The following RNF103 variants were observed in gnomAD, a reference collection of about 807,000 sequenced individuals.
RNF103 encodes E3 ubiquitin-protein ligase RNF103.
In RNF103, 23 loss-of-function variants were observed where a neutral mutation model predicts 66.2. The observed-to-expected ratio is 0.35, with a 90% CI of 0.25 to 0.49. The LOEUF is 0.49. Among genes scored for constraint, RNF103 ranks in the 20% least tolerant of loss-of-function variants. The probability of loss-of-function intolerance (pLI) is 0.98; values close to 1 mark genes in which losing one functional copy is unlikely to be tolerated. For missense variants in RNF103, 730 were observed against 814.7 expected (o/e 0.90, Z 1.27); for synonymous variants, 297 against 289.9 (o/e 1.02, Z -0.25).
intron 1 of RNF103, among the ~76,000 whole-genome samples, chr2:86,621,034 TAAAC>T (rs1341692134): frequency 6.6e-6 from 1 of 152,118 alleles, no homozygotes; most frequent in Non-Finnish European, 1.5e-5. Context: ...CTTGTATCAT[TAAAC>T]AAAAAGGAAA....
At chr2:86,611,844 T>C (rs1278882930) in intron 3 of RNF103, among the ~76,000 whole-genome samples, 2 of 152,158 alleles carry the variant, frequency 1.3e-5, no homozygotes, top group African/African-American at 4.8e-5. Flanking sequence ...CTGAGATCTC[T>C]TTGGAAAAGA....
rs1561253 is a variant in RNF103, at chr2:86,605,271, T to G, written c.630A>C (p.Ala210=). The part of the protein sequence containing the change: ...EHIFKWITAH[A]ASRIKTIYNA... The stretch of plus-strand genomic sequence containing the variant: ...TATAAATGGTTTTGATCCGAGAAGC[T>G]GCATGAGCAGTTATCCATTTAAAAA... Residue 210 remains alanine, a synonymous_variant, in exon 4 of 4, where the codon GCA becomes GCC. Coordinates refer to ENST00000237455, the MANE Select transcript of RNF103 (RefSeq NM_005667.4). 25 of 1,614,126 alleles carry G rather than the reference T, an allele frequency of 1.5e-5. No individual in the cohort carries two copies. Among genetic ancestry groups the G allele is most frequent in the Non-Finnish European group, 2.1e-5 (25 of 1,180,024 alleles).
In RNF103 at chr2:86,603,941, C is replaced by T; in HGVS notation, c.1960G>A (p.Gly654Arg). The change falls in exon 4 of 4, where the codon GGG (glycine) becomes AGG (arginine). Residue 654 changes from glycine (G) to arginine (R), a missense_variant. Transcript: ENST00000237455. Reference protein sequence around the residue: ...HQNCIVMWLAGGRHCCPVCRW... With the variant: ...HQNCIVMWLARGRHCCPVCRW... ...CAAACAGGGCAACAATGTCGGCCCC[C>T]AGCCAACCACATCACAATGCAATTC... 1 of 1,614,144 alleles carries T rather than the reference C, an allele frequency of 6.2e-7. No homozygotes were observed. Among genetic ancestry groups the T allele is most frequent in the Non-Finnish European group, 8.5e-7 (1 of 1,180,026 alleles).
chr2:86,605,235 G>A lies in RNF103; in HGVS notation c.666C>T (p.His222=). The change falls in exon 4 of 4, where the codon CAC becomes CAT. Residue 222 remains histidine (H), a synonymous_variant. Coordinates refer to ENST00000237455, the MANE Select transcript of RNF103 (RefSeq NM_005667.4). ...CACTTTTATTCCATTCTTCTTTCAAGTGTTCAGCATTATAAATGGTTTTGA... is the reference window on the plus strand; with the variant it reads ...CACTTTTATTCCATTCTTCTTTCAAATGTTCAGCATTATAAATGGTTTTGA... The part of the protein sequence containing the change: ...SRIKTIYNAE[H]LKEEWNKSDQ... 2 of 1,614,018 alleles carry A rather than the reference G, an allele frequency of 1.2e-6. No individual in the cohort carries two copies. Among genetic ancestry groups the A allele is most frequent in the Non-Finnish European group, 1.7e-6 (2 of 1,180,014 alleles).
At position 86,605,160 on chromosome 2, in the gene RNF103, T is replaced by C. The variant is rs866109212; in HGVS notation, c.741A>G (p.Pro247=). 6.2e-7 allele frequency: 1 copy of C among 1,613,800 alleles called. No homozygotes were observed. The highest frequency in any genetic ancestry group is 8.5e-7 in the Non-Finnish European group (1 of 1,180,018). Residue 247 remains proline (P), a synonymous_variant, in exon 4 of 4, where the codon CCA becomes CCG. Coordinates refer to ENST00000237455, the MANE Select transcript of RNF103 (RefSeq NM_005667.4). ...TTATACTTAGTGCAGAGAAGAAAGCTGGGGGCTGGTCAAGGTTTGCAAATA... is the reference window on the plus strand; with the variant it reads ...TTATACTTAGTGCAGAGAAGAAAGCCGGGGGCTGGTCAAGGTTTGCAAATA... ...IYLFANLDQP[P]AFFSALSIKF...
At chr2:86,619,043 T>C (rs1679125268) in intron 2 of RNF103, among the ~76,000 whole-genome samples, 1 of 152,184 alleles carries the variant, frequency 6.6e-6, no homozygotes. Flanking sequence ...AGGCCATGGA[T>C]GAACAATGTA....
chr2:86,617,135 T>C (rs755656462), intron 2 of RNF103: 15 of 985,334 alleles, frequency 1.5e-5, no homozygotes, highest in Non-Finnish European at 1.8e-5. Context: ...ATATGTATGT[T>C]GCTACCTTGA....
intron 2 of RNF103, chr2:86,616,442 T>C (rs1225431823): frequency 2.0e-5 from 18 of 907,978 alleles, no homozygotes; most frequent in African/African-American, 5.4e-5. Context: ...GGTCTTTTAA[T>C]TTTTTTGTAT....
In RNF103 at chr2:86,604,064, C is replaced by A. The variant is rs139382955; in HGVS notation, c.1837G>T (p.Ala613Ser). 5.1e-5 allele frequency: 83 copies of A among 1,613,812 alleles called. No individual in the cohort carries two copies. The African/African-American group carries it at 9.9e-4, about 19-fold the overall frequency. The stretch of plus-strand genomic sequence containing the variant: ...CATTCAGTACAGTGCAGCATATCAG[C>A]AGGCCAAGTTAACCAATCAGGTTCC... ...DMEPDWLTWP[A>S]DMLHCTECVV... The change falls in exon 4 of 4, where the codon GCT becomes TCT. Residue 613 changes from alanine to serine, a missense_variant. By Grantham distance (99) the Ala-to-Ser change is moderately conservative. Transcript: ENST00000237455.
At position 86,604,446 on chromosome 2, in the gene RNF103, G is replaced by A. The variant is rs147769955; in HGVS notation, c.1455C>T (p.Asp485=). 11 of 1,614,234 alleles carry A rather than the reference G, an allele frequency of 6.8e-6. No individual in the cohort carries two copies. The African/African-American group carries it at 1.3e-4, about 20-fold the overall frequency. The change falls in exon 4 of 4, where the codon GAC becomes GAT. Residue 485 remains aspartate, a synonymous_variant. Transcript: ENST00000237455. ...NFPVESDWDE[D]PDLFLERLAF... is the part of the protein sequence containing the mutation. ...CTAAGCGCTCCAAGAATAAGTCAGG[G>A]TCTTCGTCCCAATCAGATTCTACAG...
chr2:86,620,587 T>C (rs927833321), intron 1 of RNF103, 118 bp from the exon 2 acceptor site: 10 of 1,288,392 alleles, frequency 7.8e-6, no homozygotes, highest in Admixed American at 5.9e-5. Context: ...TTGTATTTTA[T>C]AGACAAGAAC....
chr2:86,604,322 C>A lies in RNF103; in HGVS notation c.1579G>T (p.Glu527Ter). 1 of 1,614,140 alleles carries A rather than the reference C, an allele frequency of 6.2e-7. No homozygotes were observed. The highest frequency in any genetic ancestry group is 8.5e-7 in the Non-Finnish European group (1 of 1,180,048). Reference protein sequence around the residue: ...FKCLGVQSEEEMSEGSQDTEN... With the variant: ...FKCLGVQSEE The stretch of plus-strand genomic sequence containing the variant: ...GTATCTTGAGACCCCTCCGACATTT[C>A]CTCTTCAGACTGGACTCCAAGACAT... The change falls in exon 4 of 4, where the codon GAA becomes TAA. Residue 527 changes from glutamate to a stop codon, truncating the protein, a stop_gained. Coordinates refer to ENST00000237455, the MANE Select transcript of RNF103 (RefSeq NM_005667.4). LOFTEE classifies it high-confidence loss of function.
At position 86,603,985 on chromosome 2, in the gene RNF103, C is replaced by G; in HGVS notation, c.1916G>C (p.Cys639Ser). 1 of 1,614,146 alleles carries G rather than the reference C, an allele frequency of 6.2e-7. No homozygotes were observed. Among genetic ancestry groups the G allele is most frequent in the Non-Finnish European group, 8.5e-7 (1 of 1,180,028 alleles). ...ENGCLLMGLP[C>S]GHVFHQNCIV... ...GCAATTCTGATGAAACACATGACCA[C>G]AAGGCAACCCCATTAGCAAACATCC... The change falls in exon 4 of 4, where the codon TGT becomes TCT. Residue 639 changes from cysteine to serine, a missense_variant. Coordinates refer to ENST00000237455, the MANE Select transcript of RNF103 (RefSeq NM_005667.4).
At chr2:86,610,063 G>A (rs193295251) in intron 3 of RNF103, among the ~76,000 whole-genome samples, 312 of 152,192 alleles carry the variant, frequency 2.1e-3, no homozygotes, top group South Asian at 4.8e-3. Context: ...TAGCTTCTAT[G>A]GCAAGAACAA....
intron 3 of RNF103, among the ~76,000 whole-genome samples, chr2:86,606,459 T>C (rs142452305): frequency 0.035 from 5,389 of 151,984 alleles, 172 homozygotes; most frequent in East Asian, 0.13. Context: ...AGTCAGGAGA[T>C]TGAGACCATC....
intron 2 of RNF103, chr2:86,616,608 T>A (rs1045162464): frequency 1.0e-6 from 1 of 985,298 alleles, no homozygotes; most frequent in African/African-American, 1.7e-5. Context: ...TAAACAAGTT[T>A]AAAATCAGCT....
intron 3 of RNF103, among the ~76,000 whole-genome samples, chr2:86,607,481 C>T (rs1678619076): frequency 6.6e-6 from 1 of 152,188 alleles, no homozygotes. Context: ...CTCAAAATCA[C>T]AGACTGTGAC....
rs1468090504 is a variant in RNF103 at position 86,604,877 on chromosome 2, A to C, written c.1024T>G (p.Leu342Val). 11 of 1,614,122 alleles carry C rather than the reference A, an allele frequency of 6.8e-6. No individual in the cohort carries two copies. Among genetic ancestry groups the C allele is most frequent in the Non-Finnish European group, 9.3e-6 (11 of 1,180,028 alleles). Residue 342 changes from leucine to valine, a missense_variant, in exon 4 of 4, where the codon TTA becomes GTA. Physicochemically the swap from Leu to Val is conservative, Grantham distance 32. Coordinates refer to ENST00000237455, the MANE Select transcript of RNF103 (RefSeq NM_005667.4). ...ATGGTAGCTCCTTGTGTAATAAATA[A>C]GTCCATCCAAGCCATAAGATTAACT... ...VLVNLMAWMD[L>V]FITQGATIKR...
At position 86,623,329 on chromosome 2, in the gene RNF103, C is replaced by G; in HGVS notation, c.-443G>C. 2.0e-6 allele frequency: 2 copies of G among 985,244 alleles called. No individual in the cohort carries two copies. Among genetic ancestry groups the G allele is most frequent in the Non-Finnish European group, 1.2e-6 (1 of 830,238 alleles). 61.0% of individuals were successfully genotyped at this position (985,244 alleles called of 1,614,324 possible). A position where few individuals can be genotyped will look rare whatever the true frequency, so the allele number is the denominator to read the frequency against. On this transcript the variant is annotated 5_prime_UTR_variant, in exon 1 of 4. Coordinates refer to ENST00000237455, the MANE Select transcript of RNF103 (RefSeq NM_005667.4). ...GACCAAAAAATAACTCAGATCCGCC[C>G]AGGAGGCGGGGATCCGGGCGGCAGG...
Sources: allele counts gnomAD v4.1 joint callset (sites outside exome capture counted in the v4.1 genomes callset), GRCh38; gene constraint gnomAD v4.1.1; transcripts MANE v1.5; gene names NCBI Gene and HGNC (gene_info 2026-07-23, HGNC 2026-07-21).